LAMA2: variants seen among roughly 807,000 people sequenced by gnomAD.
The protein encoded by LAMA2 is laminin subunit alpha 2, also known as laminin subunit alpha-2.
Under a neutral mutation model 364.8 loss-of-function variants are expected in LAMA2, and 269 were observed. The observed-to-expected ratio is 0.74, with a 90% CI of 0.67 to 0.82. The LOEUF (loss-of-function observed/expected upper bound fraction) is 0.82. LAMA2 is among the 40% of genes least tolerant of loss of function. The pLI, the probability that LAMA2 is intolerant of heterozygous loss-of-function variation, is 0.00. For missense variants in LAMA2, 3,807 were observed against 3,873.2 expected (o/e 0.98, Z 0.45); for synonymous variants, 1,379 against 1,370.6 (o/e 1.01, Z -0.14).
chr6:129,159,030 G>A, intron 8 of LAMA2: 1 of 1,580,624 alleles, frequency 6.3e-7, no homozygotes, highest in Non-Finnish European at 8.7e-7. Flanking sequence ...CCAGTGCCGT[G>A]GAGCATACTA....
chr6:129,405,771 A>C (rs1439869147), intron 40 of LAMA2, among the ~76,000 whole-genome samples: 1 of 152,194 alleles, frequency 6.6e-6, no homozygotes, highest in East Asian at 1.9e-4. Flanking sequence ...GAAAAGCATT[A>C]CGTTGAGTAA....
intron 12 of LAMA2, among the ~76,000 whole-genome samples, chr6:129,208,669 GAGAA>G (rs1022259704): frequency 7.5e-5 from 9 of 119,570 alleles, no homozygotes; most frequent in Non-Finnish European, 1.3e-4. Flanking sequence ...GAGAAAGAAA[GAGAA>G]AGAGAAGGAA....
chr6:128,916,647 C>A (rs1416090724), intron 1 of LAMA2, among the ~76,000 whole-genome samples: 1 of 152,118 alleles, frequency 6.6e-6, no homozygotes, highest in Non-Finnish European at 1.5e-5. Context: ...TGGTTCTTTC[C>A]TATGCAGTGG....
chr6:129,034,585 A>G (rs980197856), intron 1 of LAMA2, among the ~76,000 whole-genome samples: 2 of 151,918 alleles, frequency 1.3e-5, no homozygotes, highest in African/African-American at 4.8e-5. Flanking sequence ...AATGGTGAAC[A>G]TTGTATTCAG....
At chr6:129,010,372 C>T (rs770955435) in intron 1 of LAMA2, among the ~76,000 whole-genome samples, 3 of 152,190 alleles carry the variant, frequency 2.0e-5, no homozygotes, top group African/African-American at 4.8e-5. Flanking sequence ...TTTCCTCTTT[C>T]GTTTAGGTGA....
intron 18 of LAMA2, among the ~76,000 whole-genome samples, chr6:129,282,302 A>C (rs190644754): frequency 6.8e-4 from 104 of 152,290 alleles, no homozygotes; most frequent in African/African-American, 2.3e-3. Context: ...TGCTTTAACT[A>C]TATAGCAAGA....
intron 58 of LAMA2, among the ~76,000 whole-genome samples, chr6:129,494,377 T>A (rs151242277): frequency 1.3e-5 from 2 of 152,220 alleles, no homozygotes; most frequent in African/African-American, 4.8e-5. Flanking sequence ...TCATCCTTTG[T>A]AAAATAGAGA....
chr6:128,955,946 T>C (rs1781117911), intron 1 of LAMA2, among the ~76,000 whole-genome samples: 1 of 151,866 alleles, frequency 6.6e-6, no homozygotes, highest in African/African-American at 2.4e-5. Context: ...CAGTAAAAAA[T>C]GTTCCTTGAG....
intron 1 of LAMA2, among the ~76,000 whole-genome samples, chr6:128,960,593 C>T (rs372663922): frequency 1.3e-5 from 2 of 152,166 alleles, no homozygotes; most frequent in East Asian, 1.9e-4. Flanking sequence ...CGCCTGACCT[C>T]GGGTGATCCA....
intron 2 of LAMA2, among the ~76,000 whole-genome samples, chr6:129,050,671 A>G (rs1337499136): frequency 2.0e-5 from 3 of 152,220 alleles, no homozygotes; most frequent in African/African-American, 4.8e-5. Flanking sequence ...AAGTCATGCC[A>G]GGAAGAGAAA....
chr6:128,962,179 T>TATAC (rs1781571737), intron 1 of LAMA2, among the ~76,000 whole-genome samples: 1 of 120,244 alleles, frequency 8.3e-6, no homozygotes, highest in Non-Finnish European at 1.7e-5. Flanking sequence ...TATATATATA[T>TATAC]ATATATACAC....
chr6:129,250,022 A>C, intron 12 of LAMA2, 90 bp from the exon 13 acceptor site: 1 of 831,738 alleles, frequency 1.2e-6, no homozygotes, highest in Non-Finnish European at 2.1e-6. Flanking sequence ...TGCCCTATAG[A>C]ACAATAAAAT....
At chr6:129,328,160 G>A in intron 28 of LAMA2, 118 bp from the exon 29 acceptor site, 1 of 860,074 alleles carries the variant, frequency 1.2e-6, no homozygotes, top group South Asian at 1.3e-5. Flanking sequence ...TGTAAGTGAT[G>A]TTGCCCCTGC....
intron 11 of LAMA2, 79 bp downstream of exon 11, chr6:129,190,424 C>G: frequency 2.1e-6 from 3 of 1,417,364 alleles, no homozygotes; most frequent in Non-Finnish European, 3.0e-6. Context: ...TTTGTATGAA[C>G]AGTTTCTGAT....
chr6:129,151,499 G>A (rs977844294), intron 7 of LAMA2, among the ~76,000 whole-genome samples: 4 of 152,154 alleles, frequency 2.6e-5, no homozygotes, highest in Non-Finnish European at 1.5e-5. Flanking sequence ...GCCAGCCTGG[G>A]CCACATAGTG....
chr6:129,474,078 G>C (rs981720708), intron 52 of LAMA2, among the ~76,000 whole-genome samples: 1 of 151,904 alleles, frequency 6.6e-6, no homozygotes, highest in Non-Finnish European at 1.5e-5. Context: ...TAATTGATTT[G>C]GTTAAACCGT....
intron 55 of LAMA2, 45 bp from the exon 56 acceptor site, chr6:129,486,429 A>T (rs1784587221): frequency 6.3e-7 from 1 of 1,596,776 alleles, no homozygotes; most frequent in African/African-American, 1.3e-5. Context: ...GCTAAGCCAT[A>T]AATGAGACTT....
intron 1 of LAMA2, among the ~76,000 whole-genome samples, chr6:129,020,107 A>G (rs1582883353): frequency 6.6e-6 from 1 of 151,686 alleles, no homozygotes; most frequent in Admixed American, 6.6e-5. Context: ...AAAAAGAAAA[A>G]AAAAAAAAAA....
chr6:129,186,343 C>G (rs918484779), intron 10 of LAMA2, among the ~76,000 whole-genome samples: 37 of 151,600 alleles, frequency 2.4e-4, no homozygotes, highest in African/African-American at 8.5e-4. Flanking sequence ...AAAACTTTTA[C>G]CTTCATCATT....
Sources: gnomAD v4.1 joint callset for allele counts (sites outside exome capture counted in the v4.1 genomes callset) on GRCh38, gnomAD v4.1.1 for gene constraint, MANE v1.5 for transcripts, NCBI Gene and HGNC (gene_info 2026-07-23, HGNC 2026-07-21) for gene names.